Variants in LEMD1 observed in about 807,000 individuals in gnomAD.
LEMD1 encodes LEM domain containing 1.
Under a neutral mutation model 17.4 loss-of-function variants are expected in LEMD1, and 18 were observed. That is an observed-to-expected ratio of 1.04 (90% CI 0.72 to 1.54). The LOEUF is 1.54. LEMD1 is among the 40% of genes most tolerant of loss of function. The pLI is 0.00. For synonymous variants in LEMD1, 88 were observed against 77.8 expected, an observed-to-expected ratio of 1.13 and a Z score of -0.69; for missense variants, 195 against 210.4, an observed-to-expected ratio of 0.93 and a Z score of 0.45.
exon 1 of LEMD1, chr1:205,449,923 A>G (rs1045461738): frequency 3.3e-5 from 5 of 152,598 alleles, no homozygotes; most frequent in African/African-American, 1.2e-4. Context: ...AATTCCCCGC[A>G]GAGCCACTTC....
intron 4 of LEMD1, among the ~76,000 whole-genome samples, chr1:205,394,394 A>C (rs1243135211): frequency 8.2e-6 from 1 of 121,916 alleles, no homozygotes. Flanking sequence ...TTAATTAATT[A>C]ATTTTTTGAG....
chr1:205,430,263 G>A (rs189655272), intron 1 of LEMD1, among the ~76,000 whole-genome samples: 3 of 152,292 alleles, frequency 2.0e-5, no homozygotes, highest in Non-Finnish European at 2.9e-5. Flanking sequence ...ACCAGCTCCC[G>A]TAGAAGCCCC....
chr1:205,392,818 C>T (rs1664404682), intron 4 of LEMD1, among the ~76,000 whole-genome samples: 2 of 152,078 alleles, frequency 1.3e-5, no homozygotes, highest in Non-Finnish European at 2.9e-5. Flanking sequence ...CTGAAAATGT[C>T]CCAAATTTGG....
rs542952803 is a variant in LEMD1, at chr1:205,417,684, A to G, written c.206-1388T>C. 1.8e-4 allele frequency among the ~76,000 whole-genome samples: 27 copies of G among 152,114 alleles called. No individual in the cohort carries two copies. In the East Asian group the frequency reaches 5.0e-3, roughly 28 times the overall value. ...CCTTTTCAAGTGAGGCCAGCGGTGCAAAACCCCTGGGGAAAGCTTTCAGTA... is the reference window on the plus strand; with the variant it reads ...CCTTTTCAAGTGAGGCCAGCGGTGCGAAACCCCTGGGGAAAGCTTTCAGTA... On this transcript the variant is annotated intron_variant, in intron 3 of 5. Coordinates refer to ENST00000367153, the MANE Select transcript of LEMD1 (RefSeq NM_001199050.2).
intron 4 of LEMD1, among the ~76,000 whole-genome samples, chr1:205,400,082 T>C (rs1664767837): frequency 6.6e-6 from 1 of 152,202 alleles, no homozygotes; most frequent in Non-Finnish European, 1.5e-5. Flanking sequence ...TTTTATTTTG[T>C]TTTGACACAG....
chr1:205,418,382 T>C (rs1371501902), intron 3 of LEMD1, among the ~76,000 whole-genome samples: 1 of 152,186 alleles, frequency 6.6e-6, no homozygotes, highest in African/African-American at 2.4e-5. Flanking sequence ...CAGGGGCCAC[T>C]GTCAGCAAAG....
At chr1:205,446,441 CAAAGTCCCT>C (rs1235774828) in intron 1 of LEMD1, among the ~76,000 whole-genome samples, 1 of 152,238 alleles carries the variant, frequency 6.6e-6, no homozygotes. Context: ...GCCATCCCTA[CAAAGTCCCT>C]TGCCTTGCTA....
intron 1 of LEMD1, chr1:205,436,910 T>A (rs529432226): frequency 6.6e-6 from 1 of 152,412 alleles, no homozygotes; most frequent in African/African-American, 2.4e-5. Flanking sequence ...CCCTTTATAA[T>A]GCGTGCCTTC....
chr1:205,417,972 C>A (rs1481242450), intron 3 of LEMD1, among the ~76,000 whole-genome samples: 5 of 152,032 alleles, frequency 3.3e-5, no homozygotes, highest in African/African-American at 4.8e-5. Context: ...TTTCATCCAA[C>A]AAACATACAC....
chr1:205,418,945 G>A (rs1190616185), intron 3 of LEMD1, among the ~76,000 whole-genome samples: 2 of 152,256 alleles, frequency 1.3e-5, no homozygotes, highest in East Asian at 3.8e-4. Flanking sequence ...ATTTCTGATT[G>A]TAAGGCATCA....
upstream of LEMD1, among the ~76,000 whole-genome samples, chr1:205,423,485 C>G (rs1666013801): frequency 6.6e-6 from 1 of 152,172 alleles, no homozygotes; most frequent in African/African-American, 2.4e-5. Flanking sequence ...TGGGATGAAA[C>G]AGACATTTCT....
At chr1:205,398,459 T>C (rs1476536695) in intron 4 of LEMD1, among the ~76,000 whole-genome samples, 5 of 152,190 alleles carry the variant, frequency 3.3e-5, no homozygotes, top group African/African-American at 1.2e-4. Context: ...ACAATAGAAA[T>C]TGAGGCACAG....
intron 4 of LEMD1, among the ~76,000 whole-genome samples, chr1:205,411,215 AAAGGAAGG>A (rs199774745): frequency 6.8e-6 from 1 of 147,298 alleles, no homozygotes; most frequent in Admixed American, 6.7e-5. Flanking sequence ...AGAAAGAAAG[AAAGGAAGG>A]AAGGAGGGAG....
At chr1:205,396,503 T>G (rs1405248673) in intron 4 of LEMD1, among the ~76,000 whole-genome samples, 2 of 152,192 alleles carry the variant, frequency 1.3e-5, no homozygotes, top group Non-Finnish European at 2.9e-5. Flanking sequence ...ACCACAAAGT[T>G]TGTAACAGCA....
intron 5 of LEMD1, among the ~76,000 whole-genome samples, chr1:205,383,327 T>C (rs1488307795): frequency 1.3e-5 from 2 of 152,214 alleles, no homozygotes; most frequent in Non-Finnish European, 2.9e-5. Flanking sequence ...ACTCCTGGCC[T>C]CAAGTGATCC....
chr1:205,397,872 G>A (rs1664663978), intron 4 of LEMD1, among the ~76,000 whole-genome samples: 2 of 152,170 alleles, frequency 1.3e-5, no homozygotes, highest in South Asian at 4.2e-4. Flanking sequence ...TTCTACAGGA[G>A]AACACCACTG....
intron 4 of LEMD1, among the ~76,000 whole-genome samples, chr1:205,393,919 A>G (rs1664463887): frequency 1.3e-5 from 2 of 152,044 alleles, no homozygotes; most frequent in Non-Finnish European, 2.9e-5. Context: ...TCATAGTGGC[A>G]CTGTTCACAA....
At chr1:205,431,224 T>C (rs1196392611) in intron 1 of LEMD1, among the ~76,000 whole-genome samples, 6 of 152,234 alleles carry the variant, frequency 3.9e-5, no homozygotes, top group Non-Finnish European at 7.3e-5. Flanking sequence ...CGTACCCAGT[T>C]TTCAGTTCAA....
intron 1 of LEMD1, among the ~76,000 whole-genome samples, chr1:205,421,761 C>T (rs936897695): frequency 6.6e-6 from 1 of 152,198 alleles, no homozygotes; most frequent in Non-Finnish European, 1.5e-5. Flanking sequence ...GACAATGCAT[C>T]TCAGCACCTC....
Sources: gnomAD v4.1 joint callset for allele counts (sites outside exome capture counted in the v4.1 genomes callset) on GRCh38, gnomAD v4.1.1 for gene constraint, MANE v1.5 for transcripts, NCBI Gene and HGNC (gene_info 2026-07-23, HGNC 2026-07-21) for gene names.